GSG1L: variants seen among roughly 807,000 people sequenced by gnomAD.
GSG1L encodes the protein GSG1 like, also known as germ cell-specific gene 1-like protein.
A neutral mutation model predicts 42.1 loss-of-function variants in GSG1L; 24 were observed. The ratio of observed to expected loss-of-function variants is 0.57; its 90% CI spans 0.41 to 0.80. GSG1L has a LOEUF of 0.80. Among genes scored for constraint, GSG1L ranks in the 30% least tolerant of loss-of-function variants. GSG1L has a pLI of 0.00. For synonymous variants in GSG1L, 215 were observed against 203.5 expected (o/e 1.06, Z -0.48); for missense variants, 445 against 472.2 (o/e 0.94, Z 0.53).
At chr16:27,986,474 C>T (rs1445298325) in intron 1 of GSG1L, among the ~76,000 whole-genome samples, 2 of 149,820 alleles carry the variant, frequency 1.3e-5, no homozygotes, top group Admixed American at 1.3e-4. Context: ...CCATTGCACT[C>T]CAGCCTGAGC....
chr16:27,796,254 T>G (rs2112789), intron 6 of GSG1L, among the ~76,000 whole-genome samples: 26,672 of 152,136 alleles, frequency 0.18, 2,399 homozygotes, highest in African/African-American at 0.23. Context: ...CAACTGTCTG[T>G]CTGCCCAACC....
chr16:27,859,275 G>A (rs1169538168), intron 3 of GSG1L, among the ~76,000 whole-genome samples: 2 of 152,284 alleles, frequency 1.3e-5, no homozygotes, highest in East Asian at 3.9e-4. Flanking sequence ...CTGGCTCTGC[G>A]AGGCCCACCT....
At chr16:27,861,431 G>A (rs1305399342) in intron 3 of GSG1L, among the ~76,000 whole-genome samples, 3 of 152,076 alleles carry the variant, frequency 2.0e-5, no homozygotes, top group African/African-American at 4.8e-5. Context: ...TCAACTCTGC[G>A]AGGGAAGAAG....
intron 2 of GSG1L, among the ~76,000 whole-genome samples, chr16:27,927,599 A>C (rs1026170250): frequency 6.6e-6 from 1 of 152,036 alleles, no homozygotes; most frequent in Non-Finnish European, 1.5e-5. Flanking sequence ...GCCTTTGTAC[A>C]TGCCAATCCC....
chr16:27,983,887 G>C (rs2085351510), intron 1 of GSG1L, among the ~76,000 whole-genome samples: 1 of 152,150 alleles, frequency 6.6e-6, no homozygotes. Context: ...ACACCATCTT[G>C]AAGTGAAATT....
intron 2 of GSG1L, among the ~76,000 whole-genome samples, chr16:27,908,205 G>A (rs57238953): frequency 0.14 from 21,275 of 152,266 alleles, 1,965 homozygotes; most frequent in African/African-American, 0.23. Flanking sequence ...AGGACCCACT[G>A]GGCAGAACCT....
Position 27,888,458 on chromosome 16 carries a change from T to TCTCTCTC in GSG1L, c.398-3821_398-3820insGAGAGAG, listed in dbSNP as rs1567505722. Among the ~76,000 whole-genome samples the TCTCTCTC allele has an allele frequency of 8.8e-5, 4 of 45,536 alleles. 1 individual carries two copies. The highest frequency in any genetic ancestry group is 2.0e-4 in the Non-Finnish European group (4 of 20,028). The allele number at this position is 45,536 out of a possible 152,430, so 29.9% of individuals were successfully genotyped here. On this transcript the variant is annotated intron_variant, in intron 2 of 6. Transcript: ENST00000447459. ...TTTCTTTCTTTCTTTCTTTCTTTCTTTCTTTCTCTCTCTCTCTCTCTTTCC... is the reference window on the plus strand; with the variant it reads ...TTTCTTTCTTTCTTTCTTTCTTTCTTCTCTCTCTCTTTCTCTCTCTCTCTCTCTTTCC...
chr16:27,997,427 C>A lies in GSG1L; in HGVS notation c.350-34224G>T, dbSNP rs919092364. ...CTCTGCTCCCTGGATTCAAGCAATT[C>A]TCCTGCCTCAGCCTCCCAAGTAGCT... is the stretch of plus-strand genomic sequence containing the variant. On this transcript the variant is annotated intron_variant, in intron 1 of 6. Transcript: ENST00000447459. Among the ~76,000 whole-genome samples, 3 of 137,682 alleles carry A rather than the reference C, an allele frequency of 2.2e-5. No homozygotes were observed. The Admixed American group carries it at 2.5e-4, about 12-fold the overall frequency. The allele number at this position is 137,682 out of a possible 152,430, so 90.3% of individuals were successfully genotyped here.
At chr16:28,016,283 A>C (rs776575542) in intron 1 of GSG1L, among the ~76,000 whole-genome samples, 41 of 152,166 alleles carry the variant, frequency 2.7e-4, no homozygotes, top group Non-Finnish European at 5.3e-4. Context: ...GCCACACTGC[A>C]CCTGGAACCA....
chr16:27,865,859 G>A (rs983824120), intron 3 of GSG1L, among the ~76,000 whole-genome samples: 6 of 151,300 alleles, frequency 4.0e-5, no homozygotes, highest in African/African-American at 7.3e-5. Flanking sequence ...CACTATGCCC[G>A]GCTAATTTTT....
At chr16:27,975,606 C>G (rs2085241980) in intron 1 of GSG1L, among the ~76,000 whole-genome samples, 1 of 152,202 alleles carries the variant, frequency 6.6e-6, no homozygotes, top group Non-Finnish European at 1.5e-5. Context: ...TAACCACTTT[C>G]TAGACTAGGC....
intron 1 of GSG1L, among the ~76,000 whole-genome samples, chr16:27,982,042 T>C (rs559838677): frequency 3.9e-5 from 6 of 152,236 alleles, no homozygotes; most frequent in African/African-American, 1.4e-4. Context: ...CCAAAAGAAG[T>C]GATCTTCTGT....
intron 3 of GSG1L, among the ~76,000 whole-genome samples, chr16:27,880,521 C>G (rs2083939311): frequency 2.6e-5 from 4 of 152,322 alleles, no homozygotes; most frequent in African/African-American, 7.2e-5. Flanking sequence ...GCTGCATGAC[C>G]TTGGGCAAGT....
At chr16:28,023,120 C>T (rs1272569929) in intron 1 of GSG1L, among the ~76,000 whole-genome samples, 1 of 152,198 alleles carries the variant, frequency 6.6e-6, no homozygotes, top group African/African-American at 2.4e-5. Flanking sequence ...TAAGCCACCA[C>T]AGCTGGCCAG....
At chr16:27,842,188 T>A (rs923766739) in intron 4 of GSG1L, among the ~76,000 whole-genome samples, 1 of 151,990 alleles carries the variant, frequency 6.6e-6, no homozygotes, top group African/African-American at 2.4e-5. Context: ...GCGTGCCGAA[T>A]TTCACATCAG....
intron 1 of GSG1L, among the ~76,000 whole-genome samples, chr16:28,016,090 A>C (rs1214693411): frequency 6.6e-6 from 1 of 152,162 alleles, no homozygotes; most frequent in East Asian, 1.9e-4. Flanking sequence ...TCCAGGCTCA[A>C]GTGATTTTTA....
intron 4 of GSG1L, among the ~76,000 whole-genome samples, chr16:27,834,106 C>T (rs1322545522): frequency 1.3e-5 from 2 of 152,024 alleles, no homozygotes; most frequent in African/African-American, 4.8e-5. Flanking sequence ...TGAGGAAGTT[C>T]CCCTTTATTC....
At position 28,040,565 on chromosome 16, in the gene GSG1L, C is replaced by CA. The variant is rs942513360; in HGVS notation, c.349+22510dup. On this transcript the variant is annotated intron_variant, in intron 1 of 6. Coordinates refer to ENST00000447459, the MANE Select transcript of GSG1L (RefSeq NM_001109763.2). This position sits in a 1 kb window ranked among gnomAD's most constrained non-coding sequence, Gnocchi z 4.1. The stretch of plus-strand genomic sequence containing the variant: ...TGGTGCCTGGCATACAGTATGCACT[C>CA]AAAAAAAGTCTAATAAATGAACGAA... Among the ~76,000 whole-genome samples, 1 of 152,128 alleles carries CA rather than the reference C, an allele frequency of 6.6e-6. No homozygotes were observed. The highest frequency in any genetic ancestry group is 2.4e-5 in the African/African-American group (1 of 41,422).
chr16:27,908,358 T>C (rs148298155), intron 2 of GSG1L, among the ~76,000 whole-genome samples: 27 of 152,346 alleles, frequency 1.8e-4, no homozygotes, highest in African/African-American at 6.3e-4. Context: ...TGCAGACCTC[T>C]GAAGGTTGTG....
Sources: allele counts gnomAD v4.1 joint callset (sites outside exome capture counted in the v4.1 genomes callset), GRCh38; gene constraint gnomAD v4.1.1; non-coding constraint Gnocchi (gnomAD v3.1); transcripts MANE v1.5; gene names NCBI Gene and HGNC (gene_info 2026-07-23, HGNC 2026-07-21).